Variants in PACRG observed in about 807,000 individuals in gnomAD.
The protein encoded by PACRG is parkin coregulated gene protein.
A neutral mutation model predicts 29.7 loss-of-function variants in PACRG; 29 were observed. The observed-to-expected ratio is 0.98, with a 90% confidence interval of 0.73 to 1.33. The LOEUF is 1.33. Among genes scored for constraint, PACRG ranks in the 40% most tolerant of loss-of-function variants. The pLI is 0.00. For missense variants in PACRG, 279 were observed against 316.2 expected, an observed-to-expected ratio of 0.88 and a Z score of 0.89; for synonymous variants, 116 against 118.7, an observed-to-expected ratio of 0.98 and a Z score of 0.15.
intron 2 of PACRG, chr6:163,051,857 G>C (rs1169382401): frequency 1.3e-5 from 2 of 152,100 alleles, no homozygotes; most frequent in East Asian, 3.9e-4. Flanking sequence ...GGCATATTTT[G>C]TTTTTTAAGT....
At chr6:162,732,502 T>C (rs977115272) in intron 1 of PACRG, among the ~76,000 whole-genome samples, 2 of 152,180 alleles carry the variant, frequency 1.3e-5, no homozygotes, top group Admixed American at 1.3e-4. Context: ...AAACTCACAA[T>C]GTTTTATTAC....
intron 4 of PACRG, among the ~76,000 whole-genome samples, chr6:163,097,081 T>A (rs1263345969): frequency 6.6e-6 from 1 of 152,200 alleles, no homozygotes; most frequent in Non-Finnish European, 1.5e-5. Context: ...GGCTGAGTAG[T>A]GACCTACGCA....
intron 4 of PACRG, among the ~76,000 whole-genome samples, chr6:163,135,720 C>T (rs963209424): frequency 2.0e-5 from 3 of 152,286 alleles, no homozygotes; most frequent in East Asian, 1.9e-4. Context: ...TTTACCTTTT[C>T]TACATGTGGC....
chr6:163,243,903 C>A (rs2128169397), intron 4 of PACRG, among the ~76,000 whole-genome samples: 1 of 152,286 alleles, frequency 6.6e-6, no homozygotes, highest in East Asian at 1.9e-4. Flanking sequence ...TAAACAGGGT[C>A]CGTGATTGAT....
At chr6:163,183,588 A>AT (rs905050194) in intron 4 of PACRG, 5 of 150,464 alleles carry the variant, frequency 3.3e-5, no homozygotes, top group African/African-American at 4.9e-5. Flanking sequence ...GAAAAAAAAA[A>AT]GGAAGAAAAA....
intron 2 of PACRG, among the ~76,000 whole-genome samples, chr6:163,037,739 A>G (rs769347754): frequency 9.9e-5 from 15 of 152,184 alleles, no homozygotes; most frequent in Non-Finnish European, 1.5e-4. Flanking sequence ...GTGCACATGC[A>G]TGCACACACA....
At chr6:162,897,341 G>C (rs566148323) in intron 2 of PACRG, among the ~76,000 whole-genome samples, 2 of 152,118 alleles carry the variant, frequency 1.3e-5, no homozygotes, top group African/African-American at 4.8e-5. Context: ...TCATAGTTTC[G>C]TATTCTTTTT....
chr6:162,815,810 C>T (rs1311722509), intron 2 of PACRG, among the ~76,000 whole-genome samples: 1 of 152,030 alleles, frequency 6.6e-6, no homozygotes, highest in Non-Finnish European at 1.5e-5. Context: ...TAGATATGTA[C>T]TGGCTCCAAG....
intron 4 of PACRG, among the ~76,000 whole-genome samples, chr6:163,248,431 CAA>C (rs199676766): frequency 6.2e-4 from 68 of 109,516 alleles, no homozygotes; most frequent in Admixed American, 9.5e-4. Flanking sequence ...ATATTTTATG[CAA>C]AAAAAAAAAA....
chr6:162,835,566 T>C (rs1789150423), intron 2 of PACRG, among the ~76,000 whole-genome samples: 1 of 152,170 alleles, frequency 6.6e-6, no homozygotes, highest in African/African-American at 2.4e-5. Flanking sequence ...ATTTTATAAA[T>C]ATGTATTTAA....
intron 1 of PACRG, among the ~76,000 whole-genome samples, chr6:162,799,920 T>G (rs61063020): frequency 1.8e-3 from 277 of 152,316 alleles, no homozygotes; most frequent in African/African-American, 6.2e-3. Context: ...CCTTTCAACA[T>G]TAAAGGTATT....
intron 2 of PACRG, among the ~76,000 whole-genome samples, chr6:162,850,175 G>A (rs947025588): frequency 1.3e-5 from 2 of 152,306 alleles, no homozygotes; most frequent in South Asian, 2.1e-4. Context: ...ATGTGTGTAA[G>A]TAAAATCAAA....
At chr6:163,269,781 ACAG>A (rs1185668564) in intron 4 of PACRG, among the ~76,000 whole-genome samples, 2 of 101,340 alleles carry the variant, frequency 2.0e-5, no homozygotes, top group African/African-American at 7.8e-5. Flanking sequence ...AGACAGACAG[ACAG>A]AAAGAAAGAA....
intron 2 of PACRG, among the ~76,000 whole-genome samples, chr6:162,825,690 C>T (rs1040680835): frequency 1.3e-5 from 2 of 152,124 alleles, no homozygotes; most frequent in African/African-American, 4.8e-5. Flanking sequence ...ATCTTGAGCT[C>T]CTGGGGTGTG....
chr6:163,102,191 C>T (rs1242760613), intron 4 of PACRG, among the ~76,000 whole-genome samples: 1 of 152,182 alleles, frequency 6.6e-6, no homozygotes, highest in Non-Finnish European at 1.5e-5. Flanking sequence ...CACCATCCTG[C>T]AAACTTTATG....
chr6:162,851,284 A>G (rs1290991074), intron 2 of PACRG, among the ~76,000 whole-genome samples: 1 of 152,072 alleles, frequency 6.6e-6, no homozygotes, highest in Non-Finnish European at 1.5e-5. Flanking sequence ...CACCCTGGCC[A>G]CAGCTTCCCC....
At chr6:163,197,470 G>A (rs1780518832) in intron 4 of PACRG, among the ~76,000 whole-genome samples, 4 of 132,890 alleles carry the variant, frequency 3.0e-5, no homozygotes, top group Admixed American at 2.3e-4. Context: ...GTGAGACAGG[G>A]TCTCACTCTG....
At chr6:163,156,982 A>G (rs1387687959) in intron 4 of PACRG, among the ~76,000 whole-genome samples, 2 of 152,196 alleles carry the variant, frequency 1.3e-5, no homozygotes, top group South Asian at 4.1e-4. Context: ...GCATGTGTGC[A>G]AAGTACCTTT....
intron 2 of PACRG, among the ~76,000 whole-genome samples, chr6:163,033,985 C>T (rs923056104): frequency 1.3e-5 from 2 of 152,094 alleles, no homozygotes; most frequent in East Asian, 3.9e-4. Flanking sequence ...CAGCTTAAGA[C>T]TAGCCTCACA....
Sources: allele counts gnomAD v4.1 joint callset (sites outside exome capture counted in the v4.1 genomes callset), GRCh38; gene constraint gnomAD v4.1.1; transcripts MANE v1.5; gene names NCBI Gene and HGNC (gene_info 2026-07-23, HGNC 2026-07-21).